DCC: variants seen among roughly 807,000 people sequenced by gnomAD.
DCC encodes the protein DCC netrin 1 receptor, also known as netrin receptor DCC.
Under a neutral mutation model 172.5 loss-of-function variants are expected in DCC, and 58 were observed. The ratio of observed to expected loss-of-function variants is 0.34; its 90% CI spans 0.27 to 0.42. The LOEUF is 0.42. Among genes scored for constraint, DCC ranks in the 10% least tolerant of loss-of-function variants. The pLI is 1.00. For synonymous variants in DCC, 709 were observed against 644.5 expected (o/e 1.10, Z -1.52); for missense variants, 1,740 against 1,791.0 (o/e 0.97, Z 0.51).
chr18:52,373,856 C>G (rs1985228888), intron 1 of DCC, among the ~76,000 whole-genome samples: 1 of 149,464 alleles, frequency 6.7e-6, no homozygotes, highest in Admixed American at 6.6e-5. Flanking sequence ...AAAACAATCA[C>G]TTGGGATCAA....
Position 53,465,850 on chromosome 18 carries a change from C to T in DCC, c.3620-2044C>T, listed in dbSNP as rs373107223. Among the ~76,000 whole-genome samples, 224 of 152,044 alleles carry T rather than the reference C, an allele frequency of 1.5e-3. 3 individuals are homozygous for T. Among genetic ancestry groups the T allele is most frequent in the Middle Eastern group, 6.8e-3 (2 of 294 alleles). On this transcript the variant is annotated intron_variant, in intron 24 of 28. Transcript: ENST00000442544. ...CACAACCTCAGCTCACTGCAATCTC[C>T]GCCTCCCAGGTTCAAATGATTCTCT...
chr18:52,553,656 G>A (rs557898772), intron 1 of DCC, among the ~76,000 whole-genome samples: 1 of 151,968 alleles, frequency 6.6e-6, no homozygotes, highest in Non-Finnish European at 1.5e-5. Context: ...AGCCAAAAAT[G>A]GTAGACAATA....
At chr18:53,066,001 T>C in intron 6 of DCC, 45 bp from the exon 7 acceptor site, 1 of 1,609,174 alleles carries the variant, frequency 6.2e-7, no homozygotes, top group Non-Finnish European at 8.5e-7. Flanking sequence ...TCACCTTGCA[T>C]TTTTTGCTTT....
intron 1 of DCC, among the ~76,000 whole-genome samples, chr18:52,376,090 C>T (rs559267486): frequency 6.6e-6 from 1 of 152,270 alleles, no homozygotes; most frequent in Non-Finnish European, 1.5e-5. Context: ...TGCTTCCTTT[C>T]CTTTATCTGT....
At chr18:52,914,888 G>T (rs946203033) in intron 3 of DCC, among the ~76,000 whole-genome samples, 27 of 152,038 alleles carry the variant, frequency 1.8e-4, no homozygotes, top group African/African-American at 6.0e-4. Context: ...AGAAATCAAA[G>T]AAAATACCCC....
intron 12 of DCC, among the ~76,000 whole-genome samples, chr18:53,272,861 G>A (rs913812215): frequency 2.0e-5 from 3 of 152,040 alleles, no homozygotes; most frequent in Admixed American, 6.6e-5. Flanking sequence ...TCTTTAAATA[G>A]CATTTAAATA....
chr18:53,012,105 T>C (rs1192401858), intron 5 of DCC, among the ~76,000 whole-genome samples: 1 of 151,934 alleles, frequency 6.6e-6, no homozygotes, highest in Non-Finnish European at 1.5e-5. Context: ...AATGTAAAGA[T>C]GAAGTTATCA....
At chr18:53,248,294 A>T (rs1023641602) in intron 12 of DCC, among the ~76,000 whole-genome samples, 5 of 151,958 alleles carry the variant, frequency 3.3e-5, no homozygotes, top group African/African-American at 1.2e-4. Flanking sequence ...ATTTATGACA[A>T]TTCTGGAAAT....
At chr18:53,348,139 C>T (rs2057746230) in intron 15 of DCC, among the ~76,000 whole-genome samples, 1 of 152,112 alleles carries the variant, frequency 6.6e-6, no homozygotes, top group Non-Finnish European at 1.5e-5. Flanking sequence ...GAAGGAAGTC[C>T]CTTTCGCCTA....
At chr18:52,784,411 C>T (rs539123145) in intron 2 of DCC, among the ~76,000 whole-genome samples, 1 of 152,188 alleles carries the variant, frequency 6.6e-6, no homozygotes, top group South Asian at 2.1e-4. Flanking sequence ...CCGATTCCCT[C>T]TCCATTGGAT....
At chr18:52,458,482 A>C (rs1183282082) in intron 1 of DCC, among the ~76,000 whole-genome samples, 1 of 152,150 alleles carries the variant, frequency 6.6e-6, no homozygotes, top group Non-Finnish European at 1.5e-5. Flanking sequence ...CAAAACATAA[A>C]TTTCTTATCC....
At chr18:53,294,221 G>A (rs2057038991) in intron 12 of DCC, among the ~76,000 whole-genome samples, 1 of 152,156 alleles carries the variant, frequency 6.6e-6, no homozygotes, top group Non-Finnish European at 1.5e-5. Flanking sequence ...TCTTACTGGT[G>A]TAAATGATTT....
At position 53,311,025 on chromosome 18, in the gene DCC, T is replaced by C. The variant is rs910972677; in HGVS notation, c.2053+5306T>C. On this transcript the variant is annotated intron_variant, in intron 13 of 28. Transcript: ENST00000442544. ...ACACACACACACACACACATTGAGA[T>C]TGAACTTTATGATCCTGACAAACAT... Among the ~76,000 whole-genome samples the C allele has an allele frequency of 4.1e-5, 4 of 98,218 alleles. No homozygotes were observed. In the Admixed American group the frequency reaches 5.2e-4, roughly 13 times the overall value. The allele number at this position is 98,218 out of a possible 152,430, so 64.4% of individuals were successfully genotyped here. A position where few individuals can be genotyped will look rare whatever the true frequency, so the allele number is the denominator to read the frequency against.
At chr18:52,758,257 A>G (rs1409873360) in intron 2 of DCC, among the ~76,000 whole-genome samples, 4 of 152,180 alleles carry the variant, frequency 2.6e-5, no homozygotes, top group Non-Finnish European at 5.9e-5. Context: ...CTTTCTAGGA[A>G]CACAATTTGG....
chr18:52,601,032 G>T (rs1247361781), intron 1 of DCC, among the ~76,000 whole-genome samples: 1 of 152,008 alleles, frequency 6.6e-6, no homozygotes, highest in Non-Finnish European at 1.5e-5. Flanking sequence ...TTACATGTGG[G>T]TCATAAACTG....
At chr18:52,908,918 GCA>G (rs149514794) in intron 3 of DCC, among the ~76,000 whole-genome samples, 1 of 151,964 alleles carries the variant, frequency 6.6e-6, no homozygotes. Flanking sequence ...ACATGCATGC[GCA>G]CACACACACA....
At chr18:53,056,966 A>G (rs1319314752) in intron 5 of DCC, among the ~76,000 whole-genome samples, 1 of 151,900 alleles carries the variant, frequency 6.6e-6, no homozygotes, top group East Asian at 1.9e-4. Context: ...CAAAGTTCAG[A>G]TAATGCAGAG....
intron 8 of DCC, among the ~76,000 whole-genome samples, chr18:53,177,094 C>G (rs1300175970): frequency 3.3e-5 from 5 of 151,706 alleles, no homozygotes; most frequent in Middle Eastern, 6.8e-3. Context: ...AAACCAAACA[C>G]CGCATATTCT....
At chr18:52,542,555 G>A (rs1490796909) in intron 1 of DCC, among the ~76,000 whole-genome samples, 1 of 152,150 alleles carries the variant, frequency 6.6e-6, no homozygotes, top group African/African-American at 2.4e-5. Context: ...GAAGAGCAGG[G>A]CCGGGTGCAG....
Sources: gnomAD v4.1 joint callset for allele counts (sites outside exome capture counted in the v4.1 genomes callset) on GRCh38, gnomAD v4.1.1 for gene constraint, MANE v1.5 for transcripts, NCBI Gene and HGNC (gene_info 2026-07-23, HGNC 2026-07-21) for gene names.